Variants in MCHR2 observed in about 807,000 individuals in gnomAD.
MCHR2 encodes the protein melanin-concentrating hormone receptor 2.
In MCHR2, 15 loss-of-function variants were observed where a neutral mutation model predicts 24.8. The ratio of observed to expected loss-of-function variants is 0.60; its 90% CI spans 0.40 to 0.93. The LOEUF is 0.93. MCHR2 is among the 40% of genes least tolerant of loss of function. MCHR2 has a pLI of 0.00. For synonymous variants in MCHR2, 151 were observed against 147.6 expected (o/e 1.02, Z -0.17); for missense variants, 386 against 408.7 (o/e 0.94, Z 0.48).
Position 99,981,187 on chromosome 6 carries a change from A to G in MCHR2, c.-28+12749T>C, listed in dbSNP as rs572351535. ...TACTATTTTCACTTTAAAAGTACAG[A>G]TTGTCCTATGCTGTGGTCCAAACAT... On this transcript the variant is annotated intron_variant, in intron 1 of 5. Coordinates refer to ENST00000281806, the MANE Select transcript of MCHR2 (RefSeq NM_001040179.2). Among the ~76,000 whole-genome samples the G allele has an allele frequency of 2.0e-5, 3 of 152,312 alleles. No homozygotes were observed. In the South Asian group the frequency reaches 6.2e-4, roughly 32 times the overall value.
rs571591863 is a variant in MCHR2 at position 99,953,888 on chromosome 6, A to G, written c.182+2078T>C. ...ATCCCTATGTACTAAATAAATCTTC[A>G]GCTGTGACTGGTGTAAAAAATACCA... On this transcript the variant is annotated intron_variant, in intron 2 of 5. Coordinates refer to ENST00000281806, the MANE Select transcript of MCHR2 (RefSeq NM_001040179.2). Among the ~76,000 whole-genome samples the G allele has an allele frequency of 4.1e-4, 63 of 152,292 alleles. No individual in the cohort carries two copies. The East Asian group carries it at 0.012, about 28-fold the overall frequency.
At chr6:99,947,671 TA>T in intron 3 of MCHR2, 90 bp downstream of exon 3, 1 of 1,339,234 alleles carries the variant, frequency 7.5e-7, no homozygotes, top group Non-Finnish European at 1.0e-6. Context: ...TCTGCTGTTA[TA>T]AACCAAAACT....
chr6:99,956,453 T>C (rs1370547308), intron 1 of MCHR2, among the ~76,000 whole-genome samples: 2 of 152,160 alleles, frequency 1.3e-5, no homozygotes, highest in African/African-American at 4.8e-5. Context: ...GCATAGGTGA[T>C]ATTTAGCTAG....
chr6:99,992,366 TA>T (rs1775899530), intron 1 of MCHR2, among the ~76,000 whole-genome samples: 1 of 152,210 alleles, frequency 6.6e-6, no homozygotes, highest in Non-Finnish European at 1.5e-5. Context: ...TGCTGCCTCT[TA>T]TGCATTTAGC....
intron 1 of MCHR2, among the ~76,000 whole-genome samples, chr6:99,979,375 T>A (rs527419899): frequency 7.2e-5 from 11 of 152,244 alleles, no homozygotes; most frequent in Admixed American, 6.5e-4. Flanking sequence ...AGCAGCACAG[T>A]ATGCATGTTC....
chr6:99,930,924 T>C (rs1774509421), intron 5 of MCHR2, among the ~76,000 whole-genome samples: 1 of 152,234 alleles, frequency 6.6e-6, no homozygotes, highest in African/African-American at 2.4e-5. Flanking sequence ...CTCTGCTTTT[T>C]AGAGTTTCCA....
intron 1 of MCHR2, 41 bp from the exon 2 acceptor site, chr6:99,956,215 C>T (rs1775058320): frequency 7.7e-7 from 1 of 1,305,126 alleles, no homozygotes; most frequent in Non-Finnish European, 1.0e-6. Context: ...TGAACATTCC[C>T]TCAATATAAC....
chr6:99,984,327 G>T (rs1424352240), intron 1 of MCHR2, among the ~76,000 whole-genome samples: 1 of 151,402 alleles, frequency 6.6e-6, no homozygotes, highest in East Asian at 1.9e-4. Flanking sequence ...AGTTACATAT[G>T]TATACATGTG....
chr6:99,967,841 C>G (rs1265096721), intron 1 of MCHR2, among the ~76,000 whole-genome samples: 1 of 152,192 alleles, frequency 6.6e-6, no homozygotes, highest in Non-Finnish European at 1.5e-5. Context: ...TCCTTACATT[C>G]TATTCAACCT....
intron 3 of MCHR2, among the ~76,000 whole-genome samples, chr6:99,947,546 T>A (rs1774892934): frequency 6.6e-6 from 1 of 152,122 alleles, no homozygotes; most frequent in African/African-American, 2.4e-5. Flanking sequence ...AAAAGAATGA[T>A]TAGAAAAAAG....
At chr6:99,922,781 T>G (rs1774265884) in intron 5 of MCHR2, among the ~76,000 whole-genome samples, 1 of 152,208 alleles carries the variant, frequency 6.6e-6, no homozygotes, top group East Asian at 1.9e-4. Flanking sequence ...CCAGGCTGTT[T>G]TGGTTACCAT....
In MCHR2 at chr6:99,961,336, ACCCAGCGAT is replaced by A. The variant is rs1775182290; in HGVS notation, c.-27-5171_-27-5163del. ...GATCTAGAACTAGAAATACCATTTG[ACCCAGCGAT>A]CCCATTACTGGTTATACACCCAAAG... is the stretch of plus-strand genomic sequence containing the variant. On this transcript the variant is annotated intron_variant, in intron 1 of 5. Coordinates refer to ENST00000281806, the MANE Select transcript of MCHR2 (RefSeq NM_001040179.2). 2.0e-5 allele frequency among the ~76,000 whole-genome samples: 3 copies of A among 152,236 alleles called. No individual in the cohort carries two copies. The South Asian group carries it at 6.2e-4, about 32-fold the overall frequency.
At position 99,920,724 on chromosome 6, in the gene MCHR2, C is replaced by T. The variant is rs1774205707; in HGVS notation, c.*216G>A. 9.2e-6 allele frequency: 5 copies of T among 541,738 alleles called. No homozygotes were observed. Among genetic ancestry groups the T allele is most frequent in the Admixed American group, 3.1e-5 (1 of 31,940 alleles). The allele number at this position is 541,738 out of a possible 1,614,324, so 33.6% of individuals were successfully genotyped here. ...GAAGCCTGGGTATCTCAGACTATCCCATTCCCTACCCACAATATAGATCAA... is the reference window on the plus strand; with the variant it reads ...GAAGCCTGGGTATCTCAGACTATCCTATTCCCTACCCACAATATAGATCAA... On this transcript the variant is annotated 3_prime_UTR_variant, in exon 6 of 6. Coordinates refer to ENST00000281806, the MANE Select transcript of MCHR2 (RefSeq NM_001040179.2).
chr6:99,947,863 T>C lies in MCHR2; in HGVS notation c.291A>G (p.Gly97=). The part of the protein sequence containing the change: ...PFLIHQWARG[G]EWVFGGPLCT... ...AGAGAGGCCCCCCAAACACCCACTC[T>C]CCCCCTCGGGCCCATTGGTGAATAA... is the stretch of plus-strand genomic sequence containing the variant. The change falls in exon 3 of 6, where the codon GGA becomes GGG. Residue 97 remains glycine (G), a synonymous_variant. Transcript: ENST00000281806. The C allele has an allele frequency of 6.2e-7, 1 of 1,613,558 alleles. No homozygotes were observed. The highest frequency in any genetic ancestry group is 8.5e-7 in the Non-Finnish European group (1 of 1,179,744).
At chr6:99,967,242 A>G (rs1329446173) in intron 1 of MCHR2, among the ~76,000 whole-genome samples, 2 of 152,088 alleles carry the variant, frequency 1.3e-5, no homozygotes, top group Non-Finnish European at 2.9e-5. Context: ...TCTGATTCAC[A>G]TCATTCATCT....
chr6:99,949,867 G>A (rs981409327), intron 2 of MCHR2, among the ~76,000 whole-genome samples: 2 of 151,810 alleles, frequency 1.3e-5, no homozygotes, highest in East Asian at 1.9e-4. Context: ...AAATGGAGAG[G>A]GGACAGGGAA....
rs73760571 is a variant in MCHR2, at chr6:99,952,932, A to C, written c.182+3034T>G. Among the ~76,000 whole-genome samples, 1,222 of 152,304 alleles carry C rather than the reference A, an allele frequency of 8.0e-3. 15 individuals are homozygous for C. Among genetic ancestry groups the C allele is most frequent in the African/African-American group, 0.028 (1,180 of 41,564 alleles). On this transcript the variant is annotated intron_variant, in intron 2 of 5. Coordinates refer to ENST00000281806, the MANE Select transcript of MCHR2 (RefSeq NM_001040179.2). The stretch of plus-strand genomic sequence containing the variant: ...ATTCTCACATTATGTATAAAATGAT[A>C]ATATGAAGAAATGATAGATTTTTCT...
Position 99,947,854 on chromosome 6 carries a change from C to T in MCHR2, c.300G>A (p.Val100=). The change falls in exon 3 of 6, where the codon GTG becomes GTA. Residue 100 remains valine, a synonymous_variant. Transcript: ENST00000281806. The part of the protein sequence containing the change: ...IHQWARGGEW[V]FGGPLCTIIT... ...TGATGGTGCAGAGAGGCCCCCCAAA[C>T]ACCCACTCTCCCCCTCGGGCCCATT... 1 of 1,613,770 alleles carries T rather than the reference C, an allele frequency of 6.2e-7. No homozygotes were observed. The highest frequency in any genetic ancestry group is 8.5e-7 in the Non-Finnish European group (1 of 1,179,796).
intron 1 of MCHR2, among the ~76,000 whole-genome samples, chr6:99,982,224 C>A (rs1775681901): frequency 6.6e-6 from 1 of 151,992 alleles, no homozygotes; most frequent in African/African-American, 2.4e-5. Context: ...TTTTGTGGTC[C>A]ATTTCAAATC....
Sources: allele counts gnomAD v4.1 joint callset (sites outside exome capture counted in the v4.1 genomes callset), GRCh38; gene constraint gnomAD v4.1.1; transcripts MANE v1.5; gene names NCBI Gene and HGNC (gene_info 2026-07-23, HGNC 2026-07-21).